Variants in RHO observed in about 807,000 individuals in gnomAD.
The protein encoded by RHO is rhodopsin, also known as opsin 2, rod pigment.
Under a neutral mutation model 31.2 loss-of-function variants are expected in RHO, and 21 were observed. That is an observed-to-expected ratio of 0.67 (90% confidence interval 0.48 to 0.97). RHO has a LOEUF of 0.97. RHO is among the 50% of genes least tolerant of loss of function. RHO has a pLI of 0.00. For missense variants in RHO, 414 were observed against 479.5 expected (o/e 0.86, Z 1.28); for synonymous variants, 211 against 196.6 (o/e 1.07, Z -0.61).
intron 2 of RHO, 135 bp downstream of exon 2, chr3:129,531,179 A>T (rs994553550): frequency 5.1e-6 from 5 of 977,086 alleles, no homozygotes; most frequent in Admixed American, 4.0e-5. Context: ...CACTCAGGGT[A>T]GGGGTGTAGG....
At position 129,532,454 on chromosome 3, in the gene RHO, G is replaced by C. The variant is rs754064314; in HGVS notation, c.696+38G>C. On this transcript the variant is annotated intron_variant, in intron 3 of 4. Coordinates refer to ENST00000296271, the MANE Select transcript of RHO (RefSeq NM_000539.3). The surrounding 1 kb of genome is among the most constrained non-coding windows in gnomAD (Gnocchi z 5.5). The stretch of plus-strand genomic sequence containing the variant: ...GGGTGGGCGGCCTCACGGCTCTGAG[G>C]GTCCAGCCCCCAGCATGCATCTGCG... The C allele has an allele frequency of 6.2e-7, 1 of 1,613,848 alleles. No homozygotes were observed. The highest frequency in any genetic ancestry group is 1.7e-5 in the Admixed American group (1 of 60,028).
At chr3:129,533,028 G>A (rs1052570874) in intron 4 of RHO, among the ~76,000 whole-genome samples, 3 of 152,102 alleles carry the variant, frequency 2.0e-5, no homozygotes, top group African/African-American at 7.3e-5. Flanking sequence ...CACTCAGGTG[G>A]GAGAAGCTCC....
Position 129,533,772 on chromosome 3 carries a change from TC to T in RHO, c.*59del. 1.6e-6 allele frequency: 2 copies of T among 1,214,520 alleles called. No individual in the cohort carries two copies. Among genetic ancestry groups the T allele is most frequent in the Non-Finnish European group, 1.2e-6 (1 of 819,400 alleles). The allele number at this position is 1,214,520 out of a possible 1,614,324, so 75.2% of individuals were successfully genotyped here. On this transcript the variant is annotated 3_prime_UTR_variant, in exon 5 of 5. Transcript: ENST00000296271. The stretch of plus-strand genomic sequence containing the variant: ...TAGGCGTCTCCCATCCCCTACACCT[TC>T]CCCCAGCCACAGCCATCCCACCAGG...
intron 1 of RHO, 82 bp from the exon 2 acceptor site, chr3:129,530,794 G>C: frequency 1.3e-6 from 2 of 1,577,796 alleles, no homozygotes; most frequent in Non-Finnish European, 1.7e-6. Context: ...TGCCTTCCTA[G>C]CTACCCTCTC....
Position 129,533,734 on chromosome 3 carries a change from C to T in RHO, c.*16C>T. 6.4e-7 allele frequency: 1 copy of T among 1,555,472 alleles called. No homozygotes were observed. Among genetic ancestry groups the T allele is most frequent in the Non-Finnish European group, 8.9e-7 (1 of 1,126,940 alleles). On this transcript the variant is annotated 3_prime_UTR_variant, in exon 5 of 5. Coordinates refer to ENST00000296271, the MANE Select transcript of RHO (RefSeq NM_000539.3). ...CCCGGCCTAAGACCTGCCTAGGACT[C>T]TGTGGCCGACTATAGGCGTCTCCCA...
At chr3:129,530,478 C>T (rs1284392006) in intron 1 of RHO, among the ~76,000 whole-genome samples, 2 of 145,100 alleles carry the variant, frequency 1.4e-5, no homozygotes, top group Admixed American at 1.4e-4. Context: ...AGGAACTCTG[C>T]CCCACATTAG....
chr3:129,530,083 C>T (rs1288703258), intron 1 of RHO, among the ~76,000 whole-genome samples: 2 of 152,244 alleles, frequency 1.3e-5, no homozygotes, highest in African/African-American at 4.8e-5. Flanking sequence ...CAGGGAATCT[C>T]TGGCCATTGT....
At position 129,531,462 on chromosome 3, in the gene RHO, C is replaced by T. The variant is rs572406990; in HGVS notation, c.530+418C>T. Among the ~76,000 whole-genome samples the T allele has an allele frequency of 1.8e-3, 278 of 152,300 alleles. 1 individual carries two copies. The highest frequency in any genetic ancestry group is 3.1e-3 in the East Asian group (16 of 5,170). On this transcript the variant is annotated intron_variant, in intron 2 of 4. Coordinates refer to ENST00000296271, the MANE Select transcript of RHO (RefSeq NM_000539.3). ...AACTGGGTCCCACTCAGCCTCTAGGCGATTGTCTCCTAATGGGGCTGAGAT... is the reference window on the plus strand; with the variant it reads ...AACTGGGTCCCACTCAGCCTCTAGGTGATTGTCTCCTAATGGGGCTGAGAT...
chr3:129,531,960 G>A (rs1261172385), intron 2 of RHO, among the ~76,000 whole-genome samples: 1 of 152,194 alleles, frequency 6.6e-6, no homozygotes, highest in Non-Finnish European at 1.5e-5. Flanking sequence ...CCTCTGCGTG[G>A]CATAGCCCTA....
chr3:129,529,528 G>T lies in RHO; in HGVS notation c.361+434G>T, dbSNP rs78872255. On this transcript the variant is annotated intron_variant, in intron 1 of 4. Coordinates refer to ENST00000296271, the MANE Select transcript of RHO (RefSeq NM_000539.3). Reference sequence around the variant, plus strand: ...CAGGCTGGGCACTGAGGGAGAGCTGGGCAAGCCAGACCCCTCCTCTCTGGG... The same window carrying T: ...CAGGCTGGGCACTGAGGGAGAGCTGTGCAAGCCAGACCCCTCCTCTCTGGG... Among the ~76,000 whole-genome samples the T allele has an allele frequency of 9.9e-3, 1,506 of 152,318 alleles. 32 individuals carry two copies. The highest frequency in any genetic ancestry group is 0.034 in the African/African-American group (1,393 of 41,552).
At position 129,530,951 on chromosome 3, in the gene RHO, T is replaced by A; in HGVS notation, c.437T>A (p.Phe146Tyr). The A allele has an allele frequency of 6.2e-7, 1 of 1,614,240 alleles. No homozygotes were observed. Among genetic ancestry groups the A allele is most frequent in the Non-Finnish European group, 8.5e-7 (1 of 1,180,042 alleles). The change falls in exon 2 of 5, where the codon TTC becomes TAC. Residue 146 changes from phenylalanine to tyrosine, a missense_variant. By Grantham distance (22) the Phe-to-Tyr change is conservative. Coordinates refer to ENST00000296271, the MANE Select transcript of RHO (RefSeq NM_000539.3). ...GTGGTGTGTAAGCCCATGAGCAACT[T>A]CCGCTTCGGGGAGAACCATGCCATC... The part of the protein sequence containing the change: ...YVVVCKPMSN[F>Y]RFGENHAIMG...
At chr3:129,529,416 G>A (rs766787635) in intron 1 of RHO, among the ~76,000 whole-genome samples, 6 of 152,262 alleles carry the variant, frequency 3.9e-5, no homozygotes, top group Non-Finnish European at 8.8e-5. Flanking sequence ...CGGGTGCAGA[G>A]TTGAGTTGGA....
chr3:129,533,575 C>T, intron 4 of RHO, 33 bp from the exon 5 acceptor site: 3 of 1,504,320 alleles, frequency 2.0e-6, no homozygotes, highest in South Asian at 1.1e-5. Flanking sequence ...CTGTGGGCAG[C>T]CCTGGCCCTG....
At chr3:129,530,533 A>ACACAAC (rs1553781099) in intron 1 of RHO, among the ~76,000 whole-genome samples, 2,592 of 122,852 alleles carry the variant, frequency 0.021, 124 homozygotes, top group African/African-American at 0.099. Flanking sequence ...ACACACACAC[A>ACACAAC]ACACACACAC....
chr3:129,530,298 G>A (rs1247554748), intron 1 of RHO, among the ~76,000 whole-genome samples: 2 of 152,136 alleles, frequency 1.3e-5, no homozygotes, highest in East Asian at 1.9e-4. Context: ...CAGGACAGAT[G>A]TCTGAATTCC....
At chr3:129,530,533 A>ACACAACACAC (rs1553781099) in intron 1 of RHO, among the ~76,000 whole-genome samples, 59 of 122,912 alleles carry the variant, frequency 4.8e-4, no homozygotes, top group African/African-American at 2.3e-3. Flanking sequence ...ACACACACAC[A>ACACAACACAC]ACACACACAC....
chr3:129,533,821 C>A lies in RHO; in HGVS notation c.*103C>A, dbSNP rs76288565. ...AGGAGCAGCGCCTGTGCAGAATGAA[C>A]GAAGTCACATAGGCTCCTTAATTTT... On this transcript the variant is annotated 3_prime_UTR_variant, in exon 5 of 5. Transcript: ENST00000296271. The A allele has an allele frequency of 2.4e-5, 20 of 817,336 alleles. No homozygotes were observed. In the East Asian group the frequency reaches 5.0e-4, roughly 20 times the overall value. 50.6% of individuals were successfully genotyped at this position (817,336 alleles called of 1,614,324 possible).
In RHO at chr3:129,533,931, C is replaced by T. The variant is rs536467893; in HGVS notation, c.*213C>T. On this transcript the variant is annotated 3_prime_UTR_variant, in exon 5 of 5. Transcript: ENST00000296271. Reference sequence around the variant, plus strand: ...GGGACATCCACCAAGACCTACTGATCTGGAGTCCCACGTTCCCCAAGGCCA... The same window carrying T: ...GGGACATCCACCAAGACCTACTGATTTGGAGTCCCACGTTCCCCAAGGCCA... 7.5e-6 allele frequency: 4 copies of T among 533,384 alleles called. No homozygotes were observed. In the South Asian group the frequency reaches 8.8e-5, roughly 12 times the overall value. The allele number at this position is 533,384 out of a possible 1,614,324, so 33.0% of individuals were successfully genotyped here.
intron 4 of RHO, 68 bp from the exon 5 acceptor site, chr3:129,533,540 C>A: frequency 8.6e-7 from 1 of 1,168,022 alleles, no homozygotes; most frequent in Non-Finnish European, 1.3e-6. Context: ...GGGCGAACCT[C>A]ACTAACGTGC....
Sources: allele counts gnomAD v4.1 joint callset (sites outside exome capture counted in the v4.1 genomes callset), GRCh38; gene constraint gnomAD v4.1.1; non-coding constraint Gnocchi (gnomAD v3.1); transcripts MANE v1.5; gene names NCBI Gene and HGNC (gene_info 2026-07-23, HGNC 2026-07-21).